Variants in POF1B observed in about 807,000 individuals in gnomAD.
POF1B encodes POF1B actin binding protein.
POF1B carries 53 observed loss-of-function variants against 55.3 expected under a neutral mutation model. The observed-to-expected ratio is 0.96, with a 90% CI of 0.77 to 1.20. The LOEUF is 1.20. POF1B is among the 50% of genes most tolerant of loss of function. The pLI, the probability that POF1B is intolerant of heterozygous loss-of-function variation, is 0.00. For synonymous variants in POF1B, 188 were observed against 148.3 expected, an observed-to-expected ratio of 1.27 and a Z score of -1.95; for missense variants, 478 against 420.5, an observed-to-expected ratio of 1.14 and a Z score of -1.20.
intron 3 of POF1B, among the ~76,000 whole-genome samples, chrX:85,367,223 C>T (rs1454901381): frequency 9.0e-6 from 1 of 111,451 alleles, no homozygotes; most frequent in Admixed American, 9.6e-5. Context: ...TGCCTAGATT[C>T]AAGAATAAAC....
chrX:85,308,119 C>G lies in POF1B; in HGVS notation c.1050+5G>C. 2 of 1,148,762 alleles carry G rather than the reference C, an allele frequency of 1.7e-6. No individual in the cohort carries two copies. The highest frequency in any genetic ancestry group is 2.4e-6 in the Non-Finnish European group (2 of 846,311). 94.7% of individuals were successfully genotyped at this position (1,148,762 alleles called of 1,213,427 possible). On this transcript the variant is annotated splice_donor_5th_base_variant and intron_variant, in intron 10 of 16. Transcript: ENST00000262753. ...GGCTTTGGAAAAAATCAAAATAAAT[C>G]TTACTGTCATATCATTTTGAAGATG...
At chrX:85,306,428 A>G (rs914275381) in intron 11 of POF1B, 95 bp from the exon 12 acceptor site, 1 of 887,781 alleles carries the variant, frequency 1.1e-6, no homozygotes, top group Non-Finnish European at 1.6e-6. Context: ...TCAAGTAAAT[A>G]TTTTCCTATG....
In POF1B at chrX:85,325,955, G is replaced by A. The variant is rs747107180; in HGVS notation, c.854+4994C>T. 6.3e-5 allele frequency among the ~76,000 whole-genome samples: 7 copies of A among 111,365 alleles called. No individual in the cohort carries two copies. In the South Asian group the frequency reaches 2.7e-3, roughly 42 times the overall value. ...GAGGATTTTAGGGGGCCAAGACTCA[G>A]CTAAGGACTCCTGAAGTGCATGCTC... On this transcript the variant is annotated intron_variant, in intron 7 of 16. Transcript: ENST00000262753.
intron 11 of POF1B, 71 bp from the exon 12 acceptor site, chrX:85,306,404 T>C (rs1446530527): frequency 9.9e-7 from 1 of 1,011,137 alleles, no homozygotes; most frequent in African/African-American, 1.9e-5. Flanking sequence ...TTTTTATTGA[T>C]TCATTCAATT....
In POF1B at chrX:85,354,231, T is replaced by G. The variant is rs187875290; in HGVS notation, c.439-2780A>C. On this transcript the variant is annotated intron_variant, in intron 4 of 16. Coordinates refer to ENST00000262753, the MANE Select transcript of POF1B (RefSeq NM_024921.4). ...ACACTTGTTTTAAATAATATTGTAA[T>G]ATAATATTTAAAATCCATACTGTGT... Among the ~76,000 whole-genome samples, 506 of 110,999 alleles carry G rather than the reference T, an allele frequency of 4.6e-3. 1 individual carries two copies. The highest frequency in any genetic ancestry group is 7.6e-3 in the Non-Finnish European group (403 of 52,774).
At chrX:85,339,340 C>T (rs986619626) in intron 6 of POF1B, among the ~76,000 whole-genome samples, 1 of 110,986 alleles carries the variant, frequency 9.0e-6, no homozygotes, top group African/African-American at 3.3e-5. Flanking sequence ...TCCCACAACA[C>T]ATGATCATTC....
intron 9 of POF1B, 62 bp from the exon 10 acceptor site, chrX:85,308,278 G>A: frequency 1.2e-6 from 1 of 810,913 alleles, no homozygotes; most frequent in Non-Finnish European, 1.7e-6. Flanking sequence ...CAATATAAGT[G>A]AAAGTTTTTT....
intron 7 of POF1B, among the ~76,000 whole-genome samples, chrX:85,324,778 C>T (rs1932879100): frequency 9.0e-6 from 1 of 111,321 alleles, no homozygotes; most frequent in Non-Finnish European, 1.9e-5. Flanking sequence ...GATGTGGTTG[C>T]TTTATAGTAT....
intron 5 of POF1B, among the ~76,000 whole-genome samples, chrX:85,349,239 C>A (rs1477073316): frequency 9.0e-6 from 1 of 111,089 alleles, no homozygotes; most frequent in East Asian, 2.8e-4. Flanking sequence ...TGCATTAGTT[C>A]CTATGAATCT....
intron 6 of POF1B, among the ~76,000 whole-genome samples, chrX:85,337,535 C>T (rs766308462): frequency 3.1e-4 from 34 of 111,221 alleles, no homozygotes; most frequent in Middle Eastern, 4.6e-3. Flanking sequence ...TCGGTGGAAG[C>T]TTCTCTTTGG....
intron 4 of POF1B, among the ~76,000 whole-genome samples, chrX:85,358,508 T>C (rs1040387751): frequency 9.0e-6 from 1 of 111,538 alleles, no homozygotes; most frequent in Non-Finnish European, 1.9e-5. Context: ...AATTGGATTA[T>C]GTCCACTAAT....
At chrX:85,324,708 A>G (rs901356800) in intron 7 of POF1B, among the ~76,000 whole-genome samples, 9 of 111,070 alleles carry the variant, frequency 8.1e-5, no homozygotes, top group African/African-American at 2.9e-4. Context: ...GCTCATTTGT[A>G]TTCAAGGTTG....
At position 85,305,911 on chromosome X, in the gene POF1B, C is replaced by T. The variant is rs370300232; in HGVS notation, c.1318-1G>A. The T allele has an allele frequency of 2.5e-6, 3 of 1,204,130 alleles. No homozygotes were observed. The highest frequency in any genetic ancestry group is 3.4e-6 in the Non-Finnish European group (3 of 892,388). On this transcript the variant is annotated splice_acceptor_variant, in intron 12 of 16. Coordinates refer to ENST00000262753, the MANE Select transcript of POF1B (RefSeq NM_024921.4). LOFTEE classifies it high-confidence loss of function. ...TTGGGCCTGTGCAAGTCTCAGAAAC[C>T]TACAGAAGGCAAAATAACTATCTGT... is the stretch of plus-strand genomic sequence containing the variant.
chrX:85,376,241 C>T (rs369634003), intron 2 of POF1B, among the ~76,000 whole-genome samples: 2 of 111,479 alleles, frequency 1.8e-5, no homozygotes, highest in Non-Finnish European at 3.8e-5. Flanking sequence ...TTCATGAAAA[C>T]CTTAATTAGT....
chrX:85,307,324 C>T, intron 10 of POF1B, 48 bp from the exon 11 acceptor site: 2 of 834,864 alleles, frequency 2.4e-6, no homozygotes, highest in Non-Finnish European at 3.4e-6. Flanking sequence ...AAAAACTTAA[C>T]AGTCACATAA....
chrX:85,310,413 G>C (rs988283613), intron 9 of POF1B, among the ~76,000 whole-genome samples: 2 of 111,931 alleles, frequency 1.8e-5, no homozygotes, highest in African/African-American at 6.5e-5. Flanking sequence ...GAAAAGGACA[G>C]TAACAAGACA....
chrX:85,307,828 C>G (rs1022850520), intron 10 of POF1B, among the ~76,000 whole-genome samples: 2 of 111,772 alleles, frequency 1.8e-5, no homozygotes, highest in African/African-American at 6.5e-5. Context: ...AATTTACCTC[C>G]AATGAGTCAG....
rs914811835 is a variant in POF1B at position 85,305,659 on chromosome X, T to G, written c.1437+132A>C. On this transcript the variant is annotated intron_variant, in intron 13 of 16. Transcript: ENST00000262753. ...GATACAGTAATGTATTTAAAACAAA[T>G]GAATACATGACATATTTCTAAAACT... is the stretch of plus-strand genomic sequence containing the variant. The G allele has an allele frequency of 6.3e-6, 4 of 638,227 alleles. No individual in the cohort carries two copies. In the African/African-American group the frequency reaches 9.1e-5, roughly 14 times the overall value. The allele number at this position is 638,227 out of a possible 1,213,427, so 52.6% of individuals were successfully genotyped here.
At chrX:85,363,803 T>C (rs1331154171) in intron 3 of POF1B, among the ~76,000 whole-genome samples, 1 of 111,353 alleles carries the variant, frequency 9.0e-6, no homozygotes, top group Non-Finnish European at 1.9e-5. Context: ...AGTATCTTTG[T>C]TAATTTTCTG....
Sources: allele counts gnomAD v4.1 joint callset (sites outside exome capture counted in the v4.1 genomes callset), GRCh38; gene constraint gnomAD v4.1.1; transcripts MANE v1.5; gene names NCBI Gene and HGNC (gene_info 2026-07-23, HGNC 2026-07-21).